The following CMC1 variants were observed in gnomAD, a reference collection of about 807,000 sequenced individuals.
CMC1 encodes COX assembly mitochondrial protein homolog.
Under a neutral mutation model 14.1 loss-of-function variants are expected in CMC1, and 14 were observed. That is an observed-to-expected ratio of 0.99 (90% CI 0.66 to 1.55). The LOEUF is 1.55. Among genes scored for constraint, CMC1 ranks in the 40% most tolerant of loss-of-function variants. CMC1 has a pLI of 0.00. For missense variants in CMC1, 127 were observed against 123.8 expected (o/e 1.03, Z -0.12); for synonymous variants, 50 against 38.4 (o/e 1.30, Z -1.12).
chr3:28,257,907 A>G (rs1169305783), intron 1 of CMC1, among the ~76,000 whole-genome samples: 1 of 152,108 alleles, frequency 6.6e-6, no homozygotes, highest in Non-Finnish European at 1.5e-5. Context: ...GTATCATTTC[A>G]CAGTCCCATC....
At chr3:28,306,005 G>A (rs1702288122) in intron 2 of CMC1, among the ~76,000 whole-genome samples, 1 of 151,748 alleles carries the variant, frequency 6.6e-6, no homozygotes, top group Admixed American at 6.6e-5. Flanking sequence ...TAGGTATGCA[G>A]CTTTATTTCC....
chr3:28,241,941 C>T, intron 1 of CMC1, 129 bp downstream of exon 1: 1 of 977,680 alleles, frequency 1.0e-6, no homozygotes, highest in Non-Finnish European at 1.3e-6. Flanking sequence ...CCAGCGTCTC[C>T]TCATACCCGG....
At chr3:28,292,489 C>T (rs200516279) in intron 2 of CMC1, among the ~76,000 whole-genome samples, 10 of 151,962 alleles carry the variant, frequency 6.6e-5, no homozygotes, top group Admixed American at 5.2e-4. Flanking sequence ...CATGTCATTC[C>T]CCACTGCTTA....
At chr3:28,279,008 C>T (rs1700731070) in intron 2 of CMC1, among the ~76,000 whole-genome samples, 1 of 152,158 alleles carries the variant, frequency 6.6e-6, no homozygotes, top group Non-Finnish European at 1.5e-5. Context: ...TGAGTTTATT[C>T]AGTTTATAAA....
intron 2 of CMC1, among the ~76,000 whole-genome samples, chr3:28,267,687 C>T (rs183236067): frequency 1.1e-4 from 17 of 152,268 alleles, no homozygotes; most frequent in African/African-American, 3.9e-4. Context: ...AAAATGCGCT[C>T]TTCTGTCAAT....
At chr3:28,310,764 T>G (rs1702595797) in intron 2 of CMC1, among the ~76,000 whole-genome samples, 1 of 152,176 alleles carries the variant, frequency 6.6e-6, no homozygotes. Flanking sequence ...TCCCCAACCT[T>G]TTTGGCACCA....
intron 1 of CMC1, among the ~76,000 whole-genome samples, chr3:28,255,388 G>A (rs56085195): frequency 0.16 from 24,170 of 151,452 alleles, 2,515 homozygotes; most frequent in East Asian, 0.47. Flanking sequence ...CTATAGATGC[G>A]CGCCACCATG....
At chr3:28,314,615 G>A (rs1041708921) in intron 2 of CMC1, among the ~76,000 whole-genome samples, 2 of 152,158 alleles carry the variant, frequency 1.3e-5, no homozygotes, top group African/African-American at 4.8e-5. Flanking sequence ...CACTTCATGT[G>A]ATCACACACA....
chr3:28,249,069 C>T (rs1345178490), intron 1 of CMC1, among the ~76,000 whole-genome samples: 4 of 152,164 alleles, frequency 2.6e-5, no homozygotes, highest in East Asian at 1.9e-4. Context: ...GGATTACAGG[C>T]GTGAGCCACT....
intron 2 of CMC1, among the ~76,000 whole-genome samples, chr3:28,286,708 G>C (rs745784582): frequency 9.2e-5 from 14 of 152,088 alleles, no homozygotes; most frequent in Non-Finnish European, 1.9e-4. Context: ...CAAGATATAA[G>C]GAAGTAGGTC....
intron 1 of CMC1, among the ~76,000 whole-genome samples, chr3:28,257,155 C>T (rs913298202): frequency 6.6e-6 from 1 of 152,038 alleles, no homozygotes; most frequent in Admixed American, 6.6e-5. Flanking sequence ...TTAAGCTAAT[C>T]GATTTTAAAT....
Position 28,322,641 on chromosome 3 carries a change from C to T in CMC1, c.*3012C>T, listed in dbSNP as rs1023622102. ...TCTTTTATGCATATTGGGTTTGGTTCTATTACTTGGCAGGAGATTGTACTC... is the reference window on the plus strand; with the variant it reads ...TCTTTTATGCATATTGGGTTTGGTTTTATTACTTGGCAGGAGATTGTACTC... On this transcript the variant is annotated 3_prime_UTR_variant, in exon 4 of 4. Coordinates refer to ENST00000466830, the MANE Select transcript of CMC1 (RefSeq NM_182523.2). 1 of 151,468 alleles carries T rather than the reference C, an allele frequency of 6.6e-6. No homozygotes were observed. The highest frequency in any genetic ancestry group is 1.9e-4 in the East Asian group (1 of 5,146). 9.4% of individuals were successfully genotyped at this position (151,468 alleles called of 1,614,324 possible). A position where few individuals can be genotyped will look rare whatever the true frequency, so the allele number is the denominator to read the frequency against.
intron 2 of CMC1, 92 bp from the exon 3 acceptor site, chr3:28,316,241 C>CTTT: frequency 1.9e-6 from 1 of 529,642 alleles, no homozygotes. Flanking sequence ...GACAGGCTTT[C>CTTT]TTTTTTTTTT....
chr3:28,310,984 C>T (rs563789237), intron 2 of CMC1, among the ~76,000 whole-genome samples: 8 of 152,338 alleles, frequency 5.3e-5, no homozygotes, highest in African/African-American at 1.9e-4. Context: ...GTAATGCTCC[C>T]TCGCCAGACG....
chr3:28,308,854 A>T (rs534164647), intron 2 of CMC1, among the ~76,000 whole-genome samples: 72 of 152,164 alleles, frequency 4.7e-4, no homozygotes, highest in Non-Finnish European at 9.0e-4. Context: ...GTGGTGGCGC[A>T]TGCCTGTAGT....
chr3:28,323,865 TAC>T lies in CMC1; in HGVS notation c.*4237_*4238del. 1.7e-6 allele frequency: 1 copy of T among 593,384 alleles called. No homozygotes were observed. Among genetic ancestry groups the T allele is most frequent in the South Asian group, 3.0e-5 (1 of 33,346 alleles). 36.8% of individuals were successfully genotyped at this position (593,384 alleles called of 1,614,324 possible). A position where few individuals can be genotyped will look rare whatever the true frequency, so the allele number is the denominator to read the frequency against. On this transcript the variant is annotated 3_prime_UTR_variant, in exon 4 of 4. Transcript: ENST00000466830. The stretch of plus-strand genomic sequence containing the variant: ...TATGGAGCTAGAGGGTGCTCTTTCA[TAC>T]TAGAAAACCAACTATGTTGGTTTTT...
chr3:28,268,413 G>A (rs1242030665), intron 2 of CMC1, among the ~76,000 whole-genome samples: 3 of 152,144 alleles, frequency 2.0e-5, no homozygotes, highest in Non-Finnish European at 4.4e-5. Context: ...CATGTGAAAT[G>A]TTGTCTACCA....
chr3:28,319,055 C>T (rs1703075603), intron 3 of CMC1: 2 of 344,268 alleles, frequency 5.8e-6, no homozygotes, highest in Admixed American at 7.9e-5. Context: ...GGTTTTCCTG[C>T]ATTAATTTTT....
intron 3 of CMC1, chr3:28,318,541 A>G (rs947020820): frequency 1.3e-5 from 2 of 151,998 alleles, no homozygotes; most frequent in African/African-American, 2.4e-5. Context: ...ATTACTTACT[A>G]TAGAAAGTAA....
Sources: allele counts gnomAD v4.1 joint callset (sites outside exome capture counted in the v4.1 genomes callset), GRCh38; gene constraint gnomAD v4.1.1; transcripts MANE v1.5; gene names NCBI Gene and HGNC (gene_info 2026-07-23, HGNC 2026-07-21).